The following DAB2IP variants were observed in gnomAD, a reference collection of about 807,000 sequenced individuals.
The protein encoded by DAB2IP is disabled homolog 2-interacting protein.
DAB2IP carries 28 observed loss-of-function variants against 107.2 expected under a neutral mutation model. The ratio of observed to expected loss-of-function variants is 0.26; its 90% CI spans 0.19 to 0.36. The LOEUF (loss-of-function observed/expected upper bound fraction) is 0.36, where lower values mean the gene tolerates loss of function less well. Ranked by LOEUF, DAB2IP falls within the 10% of genes least tolerant of loss-of-function variation. The pLI, the probability that DAB2IP is intolerant of heterozygous loss-of-function variation, is 1.00. For missense variants in DAB2IP, 1,400 were observed against 1,644.7 expected, an observed-to-expected ratio of 0.85 and a Z score of 2.57; for synonymous variants, 755 against 706.4, an observed-to-expected ratio of 1.07 and a Z score of -1.09.
intron 1 of DAB2IP, among the ~76,000 whole-genome samples, chr9:121,670,160 G>A (rs1833618294): frequency 1.3e-5 from 2 of 152,146 alleles, no homozygotes; most frequent in Non-Finnish European, 2.9e-5. Flanking sequence ...CCACGTACAT[G>A]GAATCATACA....
At chr9:121,627,392 T>C (rs180810878) in intron 1 of DAB2IP, among the ~76,000 whole-genome samples, 2 of 151,396 alleles carry the variant, frequency 1.3e-5, no homozygotes, top group Middle Eastern at 3.4e-3. Context: ...TTTTTTTTTT[T>C]GTATGCTGCT....
At chr9:121,781,523 A>G (rs112159524) in exon 15 of DAB2IP, 1 of 1,613,912 alleles carries the variant, frequency 6.2e-7, no homozygotes. Flanking sequence ...GCGGCTGTGG[A>G]CTCCAAACAG....
At position 121,593,792 on chromosome 9, in the gene DAB2IP, C is replaced by T. The variant is rs189738786; in HGVS notation, c.40+26564C>T. Among the ~76,000 whole-genome samples, 699 of 151,698 alleles carry T rather than the reference C, an allele frequency of 4.6e-3. 8 individuals are homozygous for T. Among genetic ancestry groups the T allele is most frequent in the African/African-American group, 0.016 (663 of 41,320 alleles). On this transcript the variant is annotated intron_variant, in intron 1 of 16. Transcript: ENST00000259371. Reference sequence around the variant, plus strand: ...AAGCGATTCTCCTGCCTCAGCCTCCCGAGTAGCTAGGACTACAGGCATGCA... The same window carrying T: ...AAGCGATTCTCCTGCCTCAGCCTCCTGAGTAGCTAGGACTACAGGCATGCA...
At chr9:121,567,363 TG>T in intron 1 of DAB2IP, 1 of 1,265,598 alleles carries the variant, frequency 7.9e-7, no homozygotes, top group Non-Finnish European at 1.1e-6. Flanking sequence ...TTGGGACCCA[TG>T]GGTGGGCATG....
chr9:121,591,710 C>T (rs1830425681), intron 1 of DAB2IP, among the ~76,000 whole-genome samples: 1 of 152,174 alleles, frequency 6.6e-6, no homozygotes, highest in Non-Finnish European at 1.5e-5. Context: ...GGCAAGAGAC[C>T]ACAGTGTCTG....
At chr9:121,619,578 G>A (rs568131578) in intron 1 of DAB2IP, among the ~76,000 whole-genome samples, 23 of 152,302 alleles carry the variant, frequency 1.5e-4, no homozygotes, top group Non-Finnish European at 2.5e-4. Flanking sequence ...AATTTATCCC[G>A]GATTATATGT....
rs922076394 is a variant in DAB2IP at position 121,698,217 on chromosome 9, G to A, written c.229-1108G>A. On this transcript the variant is annotated intron_variant, in intron 2 of 15. Transcript: ENST00000408936. This position sits in a 1 kb window ranked among gnomAD's most constrained non-coding sequence, Gnocchi z 4.1. The stretch of plus-strand genomic sequence containing the variant: ...CTGGAATTGAGACTGGGGTGGGTGA[G>A]CCCCCAGAACACCCCCCTCTTTAGA... 2.0e-5 allele frequency among the ~76,000 whole-genome samples: 3 copies of A among 152,074 alleles called. No homozygotes were observed. Among genetic ancestry groups the A allele is most frequent in the Non-Finnish European group, 2.9e-5 (2 of 68,022 alleles).
chr9:121,661,095 G>A lies in DAB2IP; in HGVS notation c.124+9196G>A, dbSNP rs963303039. Among the ~76,000 whole-genome samples the A allele has an allele frequency of 3.3e-5, 5 of 152,236 alleles. No homozygotes were observed. In the South Asian group the frequency reaches 8.3e-4, roughly 25 times the overall value. ...ATGAGGGTCATTGAGGGCTGGGGTG[G>A]GGGATGCCCGGCAGGCTGTGGACAT... On this transcript the variant is annotated intron_variant, in intron 1 of 15. Transcript: ENST00000408936.
In DAB2IP at chr9:121,699,347, A is replaced by G; in HGVS notation, c.251A>G (p.Lys84Arg). The G allele has an allele frequency of 6.8e-7, 1 of 1,464,874 alleles. No individual in the cohort carries two copies. The highest frequency in any genetic ancestry group is 9.1e-7 in the Non-Finnish European group (1 of 1,096,668). The allele number at this position is 1,464,874 out of a possible 1,614,324, so 90.7% of individuals were successfully genotyped here. Reference sequence around the variant, plus strand: ...CAGGGCTTCCTCAGCCGCCGCCTCAAGGGCTCCATCAAGCGCACCAAGAGC... The same window carrying G: ...CAGGGCTTCCTCAGCCGCCGCCTCAGGGGCTCCATCAAGCGCACCAAGAGC... The change falls in exon 3 of 16, where the codon AAG becomes AGG. Residue 84 changes from lysine (K) to arginine (R), a missense_variant. By Grantham distance (26) the Lys-to-Arg change is conservative. Coordinates refer to ENST00000408936, the Ensembl canonical transcript of DAB2IP. This position sits in a 1 kb window ranked among gnomAD's most constrained non-coding sequence, Gnocchi z 6.2.
intron 3 of DAB2IP, among the ~76,000 whole-genome samples, chr9:121,749,577 C>G (rs1832961070): frequency 6.6e-6 from 1 of 152,160 alleles, no homozygotes; most frequent in Admixed American, 6.5e-5. Context: ...ACCACACAGG[C>G]TGGTGGGCTG....
At chr9:121,742,096 C>T (rs1180439334) in intron 3 of DAB2IP, among the ~76,000 whole-genome samples, 1 of 152,112 alleles carries the variant, frequency 6.6e-6, no homozygotes, top group African/African-American at 2.4e-5. Context: ...GGAGTTGGAC[C>T]TGAAGACGCC....
At chr9:121,613,620 T>C (rs1202831621) in intron 1 of DAB2IP, among the ~76,000 whole-genome samples, 1 of 152,174 alleles carries the variant, frequency 6.6e-6, no homozygotes, top group Admixed American at 6.5e-5. Context: ...GCCACGTGCT[T>C]GGAACATAAA....
chr9:121,737,585 C>T (rs555193170), intron 3 of DAB2IP: 7 of 985,414 alleles, frequency 7.1e-6, no homozygotes, highest in East Asian at 2.3e-4. Context: ...CGGCAAGATC[C>T]TGGGCCGGGC....
chr9:121,781,968 C>T (rs1475745409), intron 15 of DAB2IP, among the ~76,000 whole-genome samples: 1 of 152,210 alleles, frequency 6.6e-6, no homozygotes, highest in East Asian at 1.9e-4. Flanking sequence ...GGCTGCACCG[C>T]TTTCCTTTCA....
chr9:121,642,799 T>G (rs1832408206), intron 1 of DAB2IP, among the ~76,000 whole-genome samples: 1 of 152,110 alleles, frequency 6.6e-6, no homozygotes, highest in Non-Finnish European at 1.5e-5. Context: ...ATACACAGAT[T>G]AGATAGTTTC....
chr9:121,734,058 G>A (rs1831713375), intron 3 of DAB2IP, among the ~76,000 whole-genome samples: 1 of 152,240 alleles, frequency 6.6e-6, no homozygotes, highest in Non-Finnish European at 1.5e-5. Context: ...TGGTCACTGT[G>A]TACTCTGTAC....
At chr9:121,705,424 G>A (rs1211908765) in intron 3 of DAB2IP, among the ~76,000 whole-genome samples, 2 of 152,210 alleles carry the variant, frequency 1.3e-5, no homozygotes, top group African/African-American at 2.4e-5. Context: ...GCTGTTTTGG[G>A]AGGCCAAATA....
rs1829817161 is a variant in DAB2IP, at chr9:121,702,087, C to T, written c.362+2629C>T. On this transcript the variant is annotated intron_variant, in intron 3 of 15. Coordinates refer to ENST00000408936, the Ensembl canonical transcript of DAB2IP. This position sits in a 1 kb window ranked among gnomAD's most constrained non-coding sequence, Gnocchi z 4.5. The stretch of plus-strand genomic sequence containing the variant: ...GTGTAGATGAGCGGCACAGGGCACT[C>T]TGGGGCGGCCACTTGAGTTCTGACT... 6.6e-6 allele frequency among the ~76,000 whole-genome samples: 1 copy of T among 152,158 alleles called. No individual in the cohort carries two copies. Among genetic ancestry groups the T allele is most frequent in the African/African-American group, 2.4e-5 (1 of 41,436 alleles).
intron 2 of DAB2IP, among the ~76,000 whole-genome samples, chr9:121,682,959 A>G (rs1256050938): frequency 1.3e-5 from 2 of 151,956 alleles, no homozygotes; most frequent in African/African-American, 4.8e-5. Flanking sequence ...CTGAATGAGG[A>G]TGGGGGAAGG....
Sources: allele counts gnomAD v4.1 joint callset (sites outside exome capture counted in the v4.1 genomes callset), GRCh38; gene constraint gnomAD v4.1.1; non-coding constraint Gnocchi (gnomAD v3.1); transcripts MANE v1.5; gene names NCBI Gene and HGNC (gene_info 2026-07-23, HGNC 2026-07-21).